Variants in CEP128 observed in about 807,000 individuals in gnomAD.
CEP128 encodes the protein centrosomal protein 128kDa.
CEP128 carries 132 observed loss-of-function variants against 156.7 expected under a neutral mutation model. That is an observed-to-expected ratio of 0.84 (90% confidence interval 0.73 to 0.97). The LOEUF (loss-of-function observed/expected upper bound fraction) is 0.97, where lower values mean the gene tolerates loss of function less well. Among genes scored for constraint, CEP128 ranks in the 50% least tolerant of loss-of-function variants. The pLI, the probability that CEP128 is intolerant of heterozygous loss-of-function variation, is 0.00. For synonymous variants in CEP128, 469 were observed against 448.9 expected (o/e 1.04, Z -0.57); for missense variants, 1,252 against 1,281.9 (o/e 0.98, Z 0.36).
At chr14:80,556,234 C>T (rs1468472002) in intron 21 of CEP128, among the ~76,000 whole-genome samples, 1 of 152,108 alleles carries the variant, frequency 6.6e-6, no homozygotes, top group Non-Finnish European at 1.5e-5. Flanking sequence ...CTGTGAAACA[C>T]CAAATAGCAT....
At chr14:80,776,037 TTGGCCAGGCTGGTC>T (rs1900772816) in intron 16 of CEP128, among the ~76,000 whole-genome samples, 1 of 152,120 alleles carries the variant, frequency 6.6e-6, no homozygotes. Context: ...CTTCACCACG[TTGGCCAGGCTGGTC>T]TAGAATTCCT....
intron 19 of CEP128, among the ~76,000 whole-genome samples, chr14:80,703,801 A>G (rs1418430891): frequency 2.0e-5 from 3 of 151,902 alleles, no homozygotes; most frequent in African/African-American, 7.2e-5. Flanking sequence ...GTATATGTGT[A>G]TGTGTGTGTG....
chr14:80,779,864 T>C (rs962842886), intron 15 of CEP128, among the ~76,000 whole-genome samples: 3 of 152,210 alleles, frequency 2.0e-5, no homozygotes, highest in African/African-American at 7.2e-5. Flanking sequence ...CCCAGTGATA[T>C]AGAAGGACAT....
At chr14:80,614,979 A>G (rs1893150863) in intron 19 of CEP128, among the ~76,000 whole-genome samples, 1 of 152,216 alleles carries the variant, frequency 6.6e-6, no homozygotes, top group Non-Finnish European at 1.5e-5. Flanking sequence ...CTGTGCAACT[A>G]TTCCCAGAAA....
intron 21 of CEP128, among the ~76,000 whole-genome samples, chr14:80,542,220 G>A (rs1889795962): frequency 6.6e-6 from 1 of 152,122 alleles, no homozygotes; most frequent in Admixed American, 6.5e-5. Context: ...TCATTACACT[G>A]CAAATTCCTT....
At chr14:80,766,402 T>C (rs1595368119) in intron 16 of CEP128, among the ~76,000 whole-genome samples, 1 of 152,198 alleles carries the variant, frequency 6.6e-6, no homozygotes, top group Non-Finnish European at 1.5e-5. Flanking sequence ...AGAAATGCTG[T>C]TGTAATTATA....
chr14:80,499,989 G>A (rs1036998971), intron 24 of CEP128, among the ~76,000 whole-genome samples: 2 of 152,192 alleles, frequency 1.3e-5, no homozygotes, highest in African/African-American at 4.8e-5. Flanking sequence ...TAGTGATCAT[G>A]CCTTTAAATA....
At chr14:80,635,924 G>C (rs1174923277) in intron 19 of CEP128, among the ~76,000 whole-genome samples, 1 of 152,174 alleles carries the variant, frequency 6.6e-6, no homozygotes, top group African/African-American at 2.4e-5. Context: ...CAGGCTATGT[G>C]TATAAGGTGT....
intron 18 of CEP128, among the ~76,000 whole-genome samples, chr14:80,755,638 T>G (rs1465085308): frequency 1.3e-5 from 2 of 152,228 alleles, no homozygotes; most frequent in Non-Finnish European, 2.9e-5. Context: ...GACGTCAGAA[T>G]GGACTATCTG....
chr14:80,730,396 C>T (rs1481466947), intron 19 of CEP128, among the ~76,000 whole-genome samples: 1 of 152,122 alleles, frequency 6.6e-6, no homozygotes, highest in Non-Finnish European at 1.5e-5. Flanking sequence ...TTGGGTCATT[C>T]TATACTCAGA....
At position 80,904,815 on chromosome 14, in the gene CEP128, G is replaced by A. The variant is rs1368429060; in HGVS notation, c.478C>T (p.Gln160Ter). Residue 160 changes from glutamine to a stop codon, truncating the protein, a stop_gained and splice_region_variant, in exon 6 of 25, where the codon CAG becomes TAG. Coordinates refer to ENST00000555265, the MANE Select transcript of CEP128 (RefSeq NM_152446.5). LOFTEE classifies it high-confidence loss of function. ...AATTACAGAATGGTACAAAGTACCTGAGTCATATCATCAGTCTCTTGAACA... is the reference window on the plus strand; with the variant it reads ...AATTACAGAATGGTACAAAGTACCTAAGTCATATCATCAGTCTCTTGAACA... ...RFVQETDDMT[Q>*]LHGFHQSLRD... The A allele has an allele frequency of 2.0e-6, 3 of 1,497,138 alleles. No homozygotes were observed. Among genetic ancestry groups the A allele is most frequent in the Non-Finnish European group, 2.8e-6 (3 of 1,073,486 alleles). The allele number at this position is 1,497,138 out of a possible 1,614,324, so 92.7% of individuals were successfully genotyped here. A position where few individuals can be genotyped will look rare whatever the true frequency, so the allele number is the denominator to read the frequency against.
chr14:80,664,267 C>T lies in CEP128; in HGVS notation c.2806+78808G>A, dbSNP rs546073650. Among the ~76,000 whole-genome samples, 486 of 152,196 alleles carry T rather than the reference C, an allele frequency of 3.2e-3. 1 individual carries two copies. The highest frequency in any genetic ancestry group is 0.011 in the African/African-American group (462 of 41,524). On this transcript the variant is annotated intron_variant, in intron 19 of 24. Coordinates refer to ENST00000555265, the MANE Select transcript of CEP128 (RefSeq NM_152446.5). Reference sequence around the variant, plus strand: ...AGAAGGCCTCAAGGCCTTCTGGCAGCGGGTGTCAGAAGCAATAGACAGAGT... The same window carrying T: ...AGAAGGCCTCAAGGCCTTCTGGCAGTGGGTGTCAGAAGCAATAGACAGAGT...
At chr14:80,569,456 T>C (rs553165298) in intron 20 of CEP128, among the ~76,000 whole-genome samples, 22 of 152,232 alleles carry the variant, frequency 1.4e-4, no homozygotes, top group Non-Finnish European at 2.9e-4. Flanking sequence ...TAGCCTCACC[T>C]GGGCAGTTTT....
At chr14:80,656,275 TTATTTATATATATATTTATA>T (rs1290975080) in intron 19 of CEP128, among the ~76,000 whole-genome samples, 564 of 44,484 alleles carry the variant, frequency 0.013, 61 homozygotes, top group African/African-American at 0.015. Flanking sequence ...ACCTAAGTTT[TTATTTATATATATATTTATA>T]TATATATATA....
At chr14:80,873,764 A>G (rs1411817502) in intron 8 of CEP128, among the ~76,000 whole-genome samples, 1 of 152,134 alleles carries the variant, frequency 6.6e-6, no homozygotes, top group Non-Finnish European at 1.5e-5. Context: ...GTGGCAGGTG[A>G]TTGAATTATG....
intron 19 of CEP128, among the ~76,000 whole-genome samples, chr14:80,634,171 A>G (rs192116402): frequency 1.8e-3 from 269 of 152,332 alleles, no homozygotes; most frequent in Middle Eastern, 0.01. Context: ...AGTCATGATT[A>G]ATTGGTGTTT....
intron 19 of CEP128, among the ~76,000 whole-genome samples, chr14:80,615,238 G>A (rs1037807291): frequency 6.6e-6 from 1 of 152,096 alleles, no homozygotes; most frequent in Non-Finnish European, 1.5e-5. Flanking sequence ...AATAAAAAAT[G>A]ACATTAAATA....
intron 19 of CEP128, among the ~76,000 whole-genome samples, chr14:80,662,820 C>G (rs1895455892): frequency 6.6e-6 from 1 of 152,092 alleles, no homozygotes; most frequent in Admixed American, 6.6e-5. Context: ...TACAATAGAA[C>G]TTTCTGCAAT....
At chr14:80,583,653 A>G (rs1043558240) in intron 19 of CEP128, among the ~76,000 whole-genome samples, 1 of 152,248 alleles carries the variant, frequency 6.6e-6, no homozygotes, top group Non-Finnish European at 1.5e-5. Flanking sequence ...TGAGGCTGGC[A>G]AAGAAGAAAT....
Sources: allele counts gnomAD v4.1 joint callset (sites outside exome capture counted in the v4.1 genomes callset), GRCh38; gene constraint gnomAD v4.1.1; transcripts MANE v1.5; gene names NCBI Gene and HGNC (gene_info 2026-07-23, HGNC 2026-07-21).